KBTBD3: variants seen among roughly 807,000 people sequenced by gnomAD.
The protein encoded by KBTBD3 is kelch repeat and BTB domain containing 3.
In KBTBD3, 38 loss-of-function variants were observed where a neutral mutation model predicts 49.6. That is an observed-to-expected ratio of 0.77 (90% CI 0.59 to 1.00). The LOEUF (loss-of-function observed/expected upper bound fraction) is 1.00, where lower values mean the gene tolerates loss of function less well. Ranked by LOEUF, KBTBD3 falls within the 50% of genes least tolerant of loss-of-function variation. The pLI is 0.00. For missense variants in KBTBD3, 661 were observed against 712.0 expected, an observed-to-expected ratio of 0.93 and a Z score of 0.81; for synonymous variants, 214 against 250.4, an observed-to-expected ratio of 0.85 and a Z score of 1.37.
intron 2 of KBTBD3, among the ~76,000 whole-genome samples, chr11:106,067,153 CAGA>C (rs1365080074): frequency 6.6e-6 from 1 of 152,116 alleles, no homozygotes; most frequent in Non-Finnish European, 1.5e-5. Context: ...TCCACCAGAG[CAGA>C]AGACCACACA....
At chr11:106,072,609 A>G (rs2135024383) in intron 2 of KBTBD3, among the ~76,000 whole-genome samples, 1 of 152,318 alleles carries the variant, frequency 6.6e-6, no homozygotes, top group South Asian at 2.1e-4. Flanking sequence ...TAAAGGTAGA[A>G]GAGTCAAGCC....
At chr11:106,069,679 T>C (rs1277098773) in intron 2 of KBTBD3, among the ~76,000 whole-genome samples, 1 of 152,048 alleles carries the variant, frequency 6.6e-6, no homozygotes, top group East Asian at 1.9e-4. Flanking sequence ...GATGTCCCCT[T>C]AATTTCCTCC....
intron 2 of KBTBD3, among the ~76,000 whole-genome samples, chr11:106,061,540 A>G (rs1018152951): frequency 2.0e-5 from 3 of 152,150 alleles, no homozygotes; most frequent in Non-Finnish European, 4.4e-5. Flanking sequence ...TGGTACACTG[A>G]GTAAAGCAGA....
intron 3 of KBTBD3, among the ~76,000 whole-genome samples, chr11:106,056,858 G>C (rs1250351691): frequency 6.6e-6 from 1 of 152,092 alleles, no homozygotes; most frequent in Non-Finnish European, 1.5e-5. Flanking sequence ...GAAGGATATG[G>C]GGGCAGAAAA....
At chr11:106,069,132 A>G (rs758419756) in intron 2 of KBTBD3, among the ~76,000 whole-genome samples, 8 of 152,158 alleles carry the variant, frequency 5.3e-5, no homozygotes, top group Non-Finnish European at 7.4e-5. Context: ...CCTTCCCCCT[A>G]AGATGAGGAA....
chr11:106,059,584 A>G (rs1360075253), intron 2 of KBTBD3, among the ~76,000 whole-genome samples: 1 of 152,220 alleles, frequency 6.6e-6, no homozygotes, highest in African/African-American at 2.4e-5. Context: ...GACTTTTACA[A>G]GATAATTGGT....
chr11:106,068,250 A>G (rs1013889398), intron 2 of KBTBD3, among the ~76,000 whole-genome samples: 1 of 152,162 alleles, frequency 6.6e-6, no homozygotes. Context: ...ACAGAATCTA[A>G]TCAACATTTA....
At chr11:106,071,786 T>C (rs1362827099) in intron 2 of KBTBD3, among the ~76,000 whole-genome samples, 1 of 152,260 alleles carries the variant, frequency 6.6e-6, no homozygotes, top group Non-Finnish European at 1.5e-5. Flanking sequence ...TCTGAGGCTT[T>C]GGCTTCCTCA....
At position 106,053,675 on chromosome 11, in the gene KBTBD3, C is replaced by G. The variant is rs114847316; in HGVS notation, c.1014G>C (p.Ser338=). The G allele has an allele frequency of 2.5e-6, 4 of 1,613,724 alleles. No homozygotes were observed. Among genetic ancestry groups the G allele is most frequent in the Non-Finnish European group, 3.4e-6 (4 of 1,179,898 alleles). Residue 338 remains serine, a synonymous_variant, in exon 4 of 4, where the codon TCG becomes TCC. Transcript: ENST00000531837. The part of the protein sequence containing the change: ...HLIDLPGSSL[S]SYGEKIFLTG... ...TCAAGAATATTTTCTCTCCGTAACT[C>G]GAAAGACTAGATCCTGGCAAATCAA...
chr11:106,054,414 C>T lies in KBTBD3; in HGVS notation c.275G>A (p.Ser92Asn). Reference sequence around the variant, plus strand: ...GGAGGACAAATTAGTAATGGTAACACTTCCATCATCTCTTTCTTTCATGTT... The same window carrying T: ...GGAGGACAAATTAGTAATGGTAACATTTCCATCATCTCTTTCTTTCATGTT... ...EVNMKERDDG[S>N]VTITNLSSKA... Residue 92 changes from serine to asparagine, a missense_variant, in exon 4 of 4, where the codon AGT becomes AAT. Coordinates refer to ENST00000531837, the MANE Select transcript of KBTBD3 (RefSeq NM_198439.3). 1.9e-6 allele frequency: 3 copies of T among 1,579,740 alleles called. No homozygotes were observed. Among genetic ancestry groups the T allele is most frequent in the Non-Finnish European group, 2.6e-6 (3 of 1,160,560 alleles).
intron 2 of KBTBD3, among the ~76,000 whole-genome samples, chr11:106,065,503 T>C (rs1860791675): frequency 6.6e-6 from 1 of 152,122 alleles, no homozygotes; most frequent in Non-Finnish European, 1.5e-5. Context: ...GGAGAGGCAG[T>C]AGAAACTAAG....
chr11:106,057,148 T>G (rs904221463), intron 3 of KBTBD3, among the ~76,000 whole-genome samples: 4 of 152,160 alleles, frequency 2.6e-5, no homozygotes, highest in Non-Finnish European at 5.9e-5. Flanking sequence ...AACAGGTGTT[T>G]AGCAGGAAGT....
chr11:106,060,723 T>C (rs562314747), intron 2 of KBTBD3, among the ~76,000 whole-genome samples: 79 of 152,302 alleles, frequency 5.2e-4, no homozygotes, highest in Non-Finnish European at 9.0e-4. Flanking sequence ...ATTCAGGACA[T>C]AGGCATGGGC....
chr11:106,074,125 C>A (rs1325868754), intron 2 of KBTBD3, among the ~76,000 whole-genome samples: 1 of 143,564 alleles, frequency 7.0e-6, no homozygotes, highest in Non-Finnish European at 1.5e-5. Flanking sequence ...CCCCCCCACA[C>A]ACATACCCCT....
In KBTBD3 at chr11:106,058,568, C is replaced by T. The variant is rs574314938; in HGVS notation, c.233+297G>A. Among the ~76,000 whole-genome samples the T allele has an allele frequency of 4.0e-5, 6 of 151,868 alleles. No individual in the cohort carries two copies. In the South Asian group the frequency reaches 8.3e-4, roughly 21 times the overall value. The stretch of plus-strand genomic sequence containing the variant: ...CCTCCTGTATAGCTGGGATTACAGG[C>T]GCACGCCATTGCGACCGGCTAATTT... On this transcript the variant is annotated intron_variant, in intron 3 of 3. Transcript: ENST00000531837.
intron 2 of KBTBD3, among the ~76,000 whole-genome samples, chr11:106,071,533 A>G (rs760206011): frequency 6.6e-6 from 1 of 152,172 alleles, no homozygotes; most frequent in Non-Finnish European, 1.5e-5. Flanking sequence ...ACTATCCTAA[A>G]ATAATATAAA....
At position 106,053,946 on chromosome 11, in the gene KBTBD3, T is replaced by A; in HGVS notation, c.743A>T (p.Glu248Val). The change falls in exon 4 of 4, where the codon GAG (glutamate) becomes GTG (valine). Residue 248 changes from glutamate (E) to valine (V), a missense_variant. By Grantham distance (121) the Glu-to-Val change is moderately radical (BLOSUM62 -2). Coordinates refer to ENST00000531837, the MANE Select transcript of KBTBD3 (RefSeq NM_198439.3). ...IEKVRLHQLS[E>V]ETLQDCLFNE... ...GAACAGACAGTCCTGAAGTGTCTCC[T>A]CAGATAACTGATGTAATCTCACTTT... is the stretch of plus-strand genomic sequence containing the variant. 1 of 1,614,008 alleles carries A rather than the reference T, an allele frequency of 6.2e-7. No homozygotes were observed. The highest frequency in any genetic ancestry group is 8.5e-7 in the Non-Finnish European group (1 of 1,179,942).
rs1054464320 is a variant in KBTBD3 at position 106,051,322 on chromosome 11, C to G, written c.*1528G>C. On this transcript the variant is annotated 3_prime_UTR_variant, in exon 4 of 4. Coordinates refer to ENST00000531837, the MANE Select transcript of KBTBD3 (RefSeq NM_198439.3). ...CTCATGTGCTTAGATAAGAAGGCCA[C>G]CAATAAATACGTCATCTAATCAGGA... The G allele has an allele frequency of 6.6e-6, 1 of 151,848 alleles. No individual in the cohort carries two copies. Among genetic ancestry groups the G allele is most frequent in the African/African-American group, 2.4e-5 (1 of 41,384 alleles). 9.4% of individuals were successfully genotyped at this position (151,848 alleles called of 1,614,324 possible).
chr11:106,060,587 G>A (rs978438922), intron 2 of KBTBD3, among the ~76,000 whole-genome samples: 10 of 152,214 alleles, frequency 6.6e-5, no homozygotes, highest in Middle Eastern at 3.4e-3. Context: ...CTGGCTAGCT[G>A]TATGCAGAAA....
Sources: gnomAD v4.1 joint callset for allele counts (sites outside exome capture counted in the v4.1 genomes callset) on GRCh38, gnomAD v4.1.1 for gene constraint, MANE v1.5 for transcripts, NCBI Gene and HGNC (gene_info 2026-07-23, HGNC 2026-07-21) for gene names.